ACSM1: variants seen among roughly 807,000 people sequenced by gnomAD.
The protein encoded by ACSM1 is acyl-coenzyme A synthetase ACSM1, mitochondrial.
ACSM1 carries 79 observed loss-of-function variants against 75.8 expected under a neutral mutation model. That is an observed-to-expected ratio of 1.04 (90% CI 0.87 to 1.26). ACSM1 has a LOEUF of 1.26. Ranked by LOEUF, ACSM1 falls within the 50% of genes most tolerant of loss-of-function variation. The pLI is 0.00. For missense variants in ACSM1, 676 were observed against 720.1 expected, an observed-to-expected ratio of 0.94 and a Z score of 0.70; for synonymous variants, 279 against 265.8, an observed-to-expected ratio of 1.05 and a Z score of -0.48.
At chr16:20,679,473 G>GC (rs1422867529) in intron 4 of ACSM1, 1 of 152,194 alleles carries the variant, frequency 6.6e-6, no homozygotes, top group Non-Finnish European at 1.5e-5. Context: ...AAATTTATAA[G>GC]CCTAGTTATA....
chr16:20,661,808 C>A lies in ACSM1; in HGVS notation c.978G>T (p.Gln326His), dbSNP rs2019313930. ...GVSSIYRMILQQDFTSIRFPA... is the reference protein window; with the variant it reads ...GVSSIYRMILHQDFTSIRFPA... ...TTCTACCATACCTGGTGAAATCCTG[C>A]TGCAGAATCATTCGATATATAGATG... Residue 326 changes from glutamine to histidine, a missense_variant, in exon 7 of 14, where the codon CAG becomes CAT. Transcript: ENST00000520010. 1.2e-6 allele frequency: 2 copies of A among 1,609,958 alleles called. No homozygotes were observed. The highest frequency in any genetic ancestry group is 1.7e-6 in the Non-Finnish European group (2 of 1,176,934).
intron 7 of ACSM1, among the ~76,000 whole-genome samples, chr16:20,644,773 A>C (rs144515625): frequency 6.6e-6 from 1 of 152,338 alleles, no homozygotes; most frequent in Non-Finnish European, 1.5e-5. Flanking sequence ...AGCAAAAGAT[A>C]ATGGAAATCC....
In ACSM1 at chr16:20,682,411, A is replaced by G. The variant is rs1479147479; in HGVS notation, c.456T>C (p.Tyr152=). The G allele has an allele frequency of 6.2e-7, 1 of 1,613,998 alleles. No homozygotes were observed. Among genetic ancestry groups the G allele is most frequent in the Admixed American group, 1.7e-5 (1 of 60,018 alleles). The change falls in exon 4 of 14, where the codon TAT becomes TAC. Residue 152 remains tyrosine, a synonymous_variant. Transcript: ENST00000520010. ...CCTTGGCTTTAGACAACTGTAGTCG[A>G]TAGAGAATGTCTTTGGCCTTCAACA... ...TILLKAKDIL[Y]RLQLSKAKGI...
chr16:20,630,235 AC>A (rs777755122), intron 10 of ACSM1, among the ~76,000 whole-genome samples: 247 of 151,558 alleles, frequency 1.6e-3, no homozygotes, highest in Non-Finnish European at 2.7e-3. Flanking sequence ...ACAGGCGCAT[AC>A]CACCGTGCCC....
rs533332350 is a variant in ACSM1 at position 20,631,452 on chromosome 16, C to T, written c.1300-4136G>A. Among the ~76,000 whole-genome samples, 3 of 152,294 alleles carry T rather than the reference C, an allele frequency of 2.0e-5. No homozygotes were observed. The South Asian group carries it at 6.2e-4, about 32-fold the overall frequency. On this transcript the variant is annotated intron_variant, in intron 10 of 13. Coordinates refer to ENST00000520010, the MANE Select transcript of ACSM1 (RefSeq NM_001318890.3). ...AAATTAGTACAGCTGCTATGGAAAA[C>T]AGTATAGAGATTCCTTCAAGAACTA...
intron 7 of ACSM1, among the ~76,000 whole-genome samples, chr16:20,654,246 A>T (rs1226529462): frequency 6.6e-6 from 1 of 152,224 alleles, no homozygotes; most frequent in East Asian, 1.9e-4. Flanking sequence ...TACAAAAGTT[A>T]ATTGAAGATG....
intron 7 of ACSM1, among the ~76,000 whole-genome samples, chr16:20,652,728 C>T (rs1320508143): frequency 2.0e-5 from 3 of 152,064 alleles, no homozygotes; most frequent in Non-Finnish European, 2.9e-5. Context: ...CTGAATAGAC[C>T]AATAACAGGC....
chr16:20,672,471 A>AAAAAAAAAAAAAAT (rs1555473775), intron 4 of ACSM1, among the ~76,000 whole-genome samples: 2 of 64,574 alleles, frequency 3.1e-5, no homozygotes, highest in East Asian at 1.3e-3. Context: ...AAAAAAAAAA[A>AAAAAAAAAAAAAAT]ATATATATAT....
chr16:20,697,617 A>G lies in ACSM1; in HGVS notation c.-52+19T>C, dbSNP rs2079697071. 1 of 151,194 alleles carries G rather than the reference A, an allele frequency of 6.6e-6. No homozygotes were observed. Among genetic ancestry groups the G allele is most frequent in the South Asian group, 2.1e-4 (1 of 4,776 alleles). 9.4% of individuals were successfully genotyped at this position (151,194 alleles called of 1,614,324 possible). On this transcript the variant is annotated intron_variant, in intron 1 of 13. Transcript: ENST00000520010. The stretch of plus-strand genomic sequence containing the variant: ...CACACACACACACAGATAGAAGCTG[A>G]CCTTCACCTCTGTCTTACCTGGTAC...
At chr16:20,623,949 G>T in intron 13 of ACSM1, 147 bp downstream of exon 13, 1 of 1,240,110 alleles carries the variant, frequency 8.1e-7, no homozygotes, top group Non-Finnish European at 1.1e-6. Context: ...GAGAGCCATG[G>T]AGGACATGAG....
chr16:20,686,244 A>T (rs1053381072), intron 2 of ACSM1, among the ~76,000 whole-genome samples: 1 of 152,138 alleles, frequency 6.6e-6, no homozygotes, highest in African/African-American at 2.4e-5. Context: ...CTTAGAGGTG[A>T]GGGCAGTAAC....
At chr16:20,697,159 A>G (rs969964501) in intron 1 of ACSM1, among the ~76,000 whole-genome samples, 5 of 152,066 alleles carry the variant, frequency 3.3e-5, no homozygotes, top group African/African-American at 1.2e-4. Flanking sequence ...TGCAGCCTCA[A>G]TCTCCTGGGC....
rs1035806123 is a variant in ACSM1 at position 20,625,324 on chromosome 16, C to T, written c.1527+99G>A. On this transcript the variant is annotated intron_variant, in intron 12 of 13. Transcript: ENST00000520010. ...GTGTAAACGCACATGCACACTATGC[C>T]CTTCCACCAAGGCTGCACAGGTAAA... 10 of 1,170,704 alleles carry T rather than the reference C, an allele frequency of 8.5e-6. No individual in the cohort carries two copies. The African/African-American group carries it at 1.1e-4, about 12-fold the overall frequency. 72.5% of individuals were successfully genotyped at this position (1,170,704 alleles called of 1,614,324 possible).
intron 1 of ACSM1, among the ~76,000 whole-genome samples, chr16:20,695,687 C>G (rs2079686264): frequency 6.6e-6 from 1 of 151,962 alleles, no homozygotes; most frequent in Admixed American, 6.6e-5. Flanking sequence ...TATCATCTAT[C>G]TATCTATCTA....
chr16:20,694,847 T>C (rs1042235600), intron 1 of ACSM1, among the ~76,000 whole-genome samples: 2 of 152,146 alleles, frequency 1.3e-5, no homozygotes, highest in Non-Finnish European at 2.9e-5. Flanking sequence ...ATATGACTGG[T>C]GTCCTTATAA....
intron 7 of ACSM1, among the ~76,000 whole-genome samples, chr16:20,641,623 C>A (rs933830737): frequency 2.0e-5 from 3 of 152,238 alleles, no homozygotes; most frequent in Non-Finnish European, 4.4e-5. Context: ...ATAGCATGGG[C>A]TCCCAGGGCT....
intron 10 of ACSM1, among the ~76,000 whole-genome samples, chr16:20,628,682 T>C (rs1461692561): frequency 6.6e-6 from 1 of 152,212 alleles, no homozygotes; most frequent in Non-Finnish European, 1.5e-5. Context: ...CATTTACCTG[T>C]TGAAAGCCAT....
intron 3 of ACSM1, among the ~76,000 whole-genome samples, chr16:20,682,794 G>A (rs189941249): frequency 6.6e-5 from 10 of 152,314 alleles, no homozygotes; most frequent in Non-Finnish European, 1.5e-5. Flanking sequence ...AAGTATAGAT[G>A]TAAACAGAAC....
intron 7 of ACSM1, among the ~76,000 whole-genome samples, chr16:20,654,364 C>G (rs548703166): frequency 6.6e-6 from 1 of 152,168 alleles, no homozygotes; most frequent in African/African-American, 2.4e-5. Flanking sequence ...TCTAAAACAC[C>G]AAAAGCAATG....
Sources: allele counts gnomAD v4.1 joint callset (sites outside exome capture counted in the v4.1 genomes callset), GRCh38; gene constraint gnomAD v4.1.1; transcripts MANE v1.5; gene names NCBI Gene and HGNC (gene_info 2026-07-23, HGNC 2026-07-21).